The following DEPDC5 variants were observed in gnomAD, a reference collection of about 807,000 sequenced individuals.
The protein encoded by DEPDC5 is GATOR1 complex protein DEPDC5.
DEPDC5 carries 73 observed loss-of-function variants against 217.3 expected under a neutral mutation model. That is an observed-to-expected ratio of 0.34 (90% CI 0.28 to 0.41). The LOEUF is 0.41. DEPDC5 is among the 10% of genes least tolerant of loss of function. DEPDC5 has a pLI of 1.00. For missense variants in DEPDC5, 1,675 were observed against 2,070.1 expected (o/e 0.81, Z 3.70); for synonymous variants, 733 against 756.7 (o/e 0.97, Z 0.51).
At chr22:31,792,188 C>G (rs533319852) in intron 11 of DEPDC5, 86 bp downstream of exon 11, 2 of 1,017,424 alleles carry the variant, frequency 2.0e-6, no homozygotes, top group African/African-American at 1.6e-5. Context: ...TTTTTTTCCT[C>G]GTTGCACTTT....
chr22:31,766,283 G>A (rs901862251), intron 5 of DEPDC5, among the ~76,000 whole-genome samples: 2 of 152,138 alleles, frequency 1.3e-5, no homozygotes. Context: ...GGGAAATAAA[G>A]TACATAGGTA....
intron 14 of DEPDC5, among the ~76,000 whole-genome samples, chr22:31,799,406 A>G (rs2086615537): frequency 6.6e-6 from 1 of 150,794 alleles, no homozygotes; most frequent in African/African-American, 2.4e-5. Context: ...GGTTTGTTAC[A>G]TAGATATACG....
intron 32 of DEPDC5, chr22:31,858,535 C>T (rs1219822356): frequency 6.6e-6 from 1 of 152,080 alleles, no homozygotes; most frequent in Non-Finnish European, 1.5e-5. Context: ...AAATTGTGGT[C>T]AAATGGTATA....
intron 33 of DEPDC5, among the ~76,000 whole-genome samples, chr22:31,868,355 C>A (rs976013657): frequency 2.0e-5 from 3 of 152,170 alleles, no homozygotes; most frequent in East Asian, 1.9e-4. Flanking sequence ...GACAGCCCCC[C>A]ACAGCAAACA....
intron 28 of DEPDC5, 108 bp from the exon 29 acceptor site, chr22:31,843,537 G>A: frequency 7.5e-7 from 1 of 1,338,708 alleles, no homozygotes; most frequent in South Asian, 1.5e-5. Flanking sequence ...CTACAGTTGA[G>A]GGGTAAATGT....
chr22:31,781,029 C>A (rs562800127), intron 8 of DEPDC5, among the ~76,000 whole-genome samples: 1 of 152,004 alleles, frequency 6.6e-6, no homozygotes, highest in Non-Finnish European at 1.5e-5. Context: ...CCAACCTGAC[C>A]AATATGGAGA....
At chr22:31,769,065 A>T in intron 7 of DEPDC5, 1 of 419,000 alleles carries the variant, frequency 2.4e-6, no homozygotes, top group Non-Finnish European at 4.3e-6. Flanking sequence ...TCAGGACCAT[A>T]CTGGCTAACA....
Position 31,778,319 on chromosome 22 carries a change from G to A in DEPDC5, c.483+151G>A, listed in dbSNP as rs1478458580. 1.1e-5 allele frequency: 8 copies of A among 719,714 alleles called. No individual in the cohort carries two copies. The East Asian group carries it at 2.2e-4, about 20-fold the overall frequency. The allele number at this position is 719,714 out of a possible 1,614,324, so 44.6% of individuals were successfully genotyped here. On this transcript the variant is annotated intron_variant, in intron 8 of 42. Transcript: ENST00000651528. The stretch of plus-strand genomic sequence containing the variant: ...TCAAGACAAGCCTGGGCAACATGGA[G>A]AGACCCACCTGTACAAAAATTAGCC...
intron 41 of DEPDC5, among the ~76,000 whole-genome samples, chr22:31,904,430 G>A (rs1230160454): frequency 6.6e-6 from 1 of 152,208 alleles, no homozygotes; most frequent in African/African-American, 2.4e-5. Flanking sequence ...GAGGAAATCA[G>A]TAGCCTTAAT....
At chr22:31,769,406 G>C (rs931396182) in intron 7 of DEPDC5, 1 of 151,640 alleles carries the variant, frequency 6.6e-6, no homozygotes, top group Non-Finnish European at 1.5e-5. Context: ...AGGAGATAGA[G>C]ACTCGTAATT....
At position 31,846,881 on chromosome 22, in the gene DEPDC5, G is replaced by T. The variant is rs201368629; in HGVS notation, c.3069G>T (p.Thr1023=). The T allele has an allele frequency of 3.1e-5, 50 of 1,614,084 alleles. No homozygotes were observed. Among genetic ancestry groups the T allele is most frequent in the Non-Finnish European group, 3.9e-5 (46 of 1,180,052 alleles). The change falls in exon 31 of 43, where the codon ACG becomes ACT. Residue 1023 remains threonine, a synonymous_variant. Coordinates refer to ENST00000651528, the MANE Select transcript of DEPDC5 (RefSeq NM_001242896.3). ...TGCAGATGACTGGGCCCATTTCCACGCATTCTCTGGAGTCAACTGCACCCC... is the reference window on the plus strand; with the variant it reads ...TGCAGATGACTGGGCCCATTTCCACTCATTCTCTGGAGTCAACTGCACCCC... ...KGLQMTGPIS[T]HSLESTAPPV...
At chr22:31,831,380 A>T (rs7288786) in intron 24 of DEPDC5, among the ~76,000 whole-genome samples, 5,248 of 152,296 alleles carry the variant, frequency 0.034, 148 homozygotes, top group African/African-American at 0.073. Flanking sequence ...ATTAGTTTTT[A>T]AAAATCTGCT....
rs1186615728 is a variant in DEPDC5, at chr22:31,804,862, C to T, written c.1164C>T (p.Pro388=). Residue 388 remains proline, a synonymous_variant, in exon 17 of 43, where the codon CCC becomes CCT. Coordinates refer to ENST00000651528, the MANE Select transcript of DEPDC5 (RefSeq NM_001242896.3). ...PLFKLHNRSA[P]RDSRLGDDYN... is the part of the protein sequence containing the mutation. ...TGCAGCTCCATAATCGGAGTGCTCC[C>T]CGTGATTCTCGTCTGGGCGATGACT... is the stretch of plus-strand genomic sequence containing the variant. 2 of 1,613,990 alleles carry T rather than the reference C, an allele frequency of 1.2e-6. No individual in the cohort carries two copies. The highest frequency in any genetic ancestry group is 1.1e-5 in the South Asian group (1 of 91,078).
At chr22:31,779,756 T>C (rs1356056228) in intron 8 of DEPDC5, among the ~76,000 whole-genome samples, 1 of 152,198 alleles carries the variant, frequency 6.6e-6, no homozygotes, top group African/African-American at 2.4e-5. Context: ...TAATTCATGG[T>C]TGGTACAATA....
intron 9 of DEPDC5, 41 bp from the exon 10 acceptor site, chr22:31,784,773 T>G (rs984368029): frequency 1.3e-5 from 21 of 1,567,464 alleles, no homozygotes; most frequent in Non-Finnish European, 1.7e-5. Flanking sequence ...AAATAAAGAT[T>G]GTTCTCATGT....
chr22:31,816,025 C>T (rs558484953), intron 21 of DEPDC5: 14 of 985,686 alleles, frequency 1.4e-5, no homozygotes, highest in East Asian at 2.3e-4. Context: ...ACCGGTCGGG[C>T]GCAGTGGCTC....
chr22:31,815,297 G>A, intron 21 of DEPDC5, 85 bp downstream of exon 21: 2 of 1,449,580 alleles, frequency 1.4e-6, no homozygotes, highest in Non-Finnish European at 9.6e-7. Context: ...GGTCAGAGGT[G>A]GGGTGTAAAT....
rs573399044 is a variant in DEPDC5 at position 31,798,115 on chromosome 22, G to A, written c.871+412G>A. 1.9e-4 allele frequency among the ~76,000 whole-genome samples: 29 copies of A among 152,108 alleles called. 1 individual carries two copies. Among genetic ancestry groups the A allele is most frequent in the Admixed American group, 1.9e-3 (29 of 15,266 alleles). Reference sequence around the variant, plus strand: ...TTTTCATTTTTTTGTAGAGACAAGAGTCTCGCTGTGTTGACCAGGCTTGTT... The same window carrying A: ...TTTTCATTTTTTTGTAGAGACAAGAATCTCGCTGTGTTGACCAGGCTTGTT... On this transcript the variant is annotated intron_variant, in intron 13 of 42. Transcript: ENST00000651528.
chr22:31,823,239 A>G (rs548115217), intron 24 of DEPDC5: 2 of 165,242 alleles, frequency 1.2e-5, no homozygotes, highest in Admixed American at 1.2e-4. Context: ...AGAAGTGAGC[A>G]TGCACCAGGG....
Sources: allele counts gnomAD v4.1 joint callset (sites outside exome capture counted in the v4.1 genomes callset), GRCh38; gene constraint gnomAD v4.1.1; transcripts MANE v1.5; gene names NCBI Gene and HGNC (gene_info 2026-07-23, HGNC 2026-07-21).